Variants in PARD3 observed in about 807,000 individuals in gnomAD.
The protein encoded by PARD3 is par-3 family cell polarity regulator.
Under a neutral mutation model 155.4 loss-of-function variants are expected in PARD3, and 75 were observed. The observed-to-expected ratio is 0.48, with a 90% CI of 0.40 to 0.58. The LOEUF is 0.58. Among genes scored for constraint, PARD3 ranks in the 20% least tolerant of loss-of-function variants. PARD3 has a pLI of 0.00. For synonymous variants in PARD3, 576 were observed against 610.5 expected (o/e 0.94, Z 0.83); for missense variants, 1,642 against 1,721.7 (o/e 0.95, Z 0.82).
chr10:34,616,375 C>CTGCATATA lies in PARD3; in HGVS notation c.222+79935_222+79942dup, dbSNP rs1237640679. Reference sequence around the variant, plus strand: ...AATCATACATCCAGCAACCCCACTGCTGCATATACACCCAATGGAAAAGAA... The same window carrying CTGCATATA: ...AATCATACATCCAGCAACCCCACTGCTGCATATATGCATATACACCCAATGGAAAAGAA... On this transcript the variant is annotated intron_variant, in intron 2 of 24. Transcript: ENST00000374788. Among the ~76,000 whole-genome samples the CTGCATATA allele has an allele frequency of 5.9e-5, 9 of 152,180 alleles. No individual in the cohort carries two copies. In the South Asian group the frequency reaches 1.9e-3, roughly 32 times the overall value.
chr10:34,124,607 T>C (rs1588852377), intron 23 of PARD3, among the ~76,000 whole-genome samples: 1 of 152,326 alleles, frequency 6.6e-6, no homozygotes, highest in East Asian at 1.9e-4. Context: ...TATGTAACTA[T>C]TGACTGAACT....
At chr10:34,342,240 C>A (rs1035996301) in intron 15 of PARD3, among the ~76,000 whole-genome samples, 38 of 152,226 alleles carry the variant, frequency 2.5e-4, no homozygotes, top group Admixed American at 2.3e-3. Flanking sequence ...GCAGGTACTG[C>A]AAGACACAGT....
intron 24 of PARD3, 120 bp from the exon 25 acceptor site, chr10:34,111,682 A>T: frequency 2.5e-6 from 2 of 815,552 alleles, no homozygotes; most frequent in South Asian, 1.9e-5. Flanking sequence ...CTGTTCTCTC[A>T]TCACATGCCA....
intron 12 of PARD3, among the ~76,000 whole-genome samples, chr10:34,367,415 C>T (rs1170015554): frequency 6.6e-6 from 1 of 152,164 alleles, no homozygotes; most frequent in Non-Finnish European, 1.5e-5. Flanking sequence ...AAGAAAATGT[C>T]CTCCTTCTGG....
At chr10:34,359,062 G>A in intron 14 of PARD3, 85 bp downstream of exon 14, 1 of 950,786 alleles carries the variant, frequency 1.1e-6, no homozygotes, top group Non-Finnish European at 1.6e-6. Context: ...TAAGGTCCTG[G>A]AACCTAATAC....
chr10:34,316,695 T>A (rs1958027193), intron 20 of PARD3, among the ~76,000 whole-genome samples: 1 of 152,208 alleles, frequency 6.6e-6, no homozygotes, highest in Non-Finnish European at 1.5e-5. Flanking sequence ...TATGCATAAC[T>A]AAGATACAGA....
Position 34,343,768 on chromosome 10 carries a change from T to A in PARD3, c.2219-1952A>T. ...TGACTTGAGAAGGCTTCAATTTATTTCTGATAGGTAAACTTTCCTCTATCT... is the reference window on the plus strand; with the variant it reads ...TGACTTGAGAAGGCTTCAATTTATTACTGATAGGTAAACTTTCCTCTATCT... On this transcript the variant is annotated intron_variant, in intron 15 of 24. Transcript: ENST00000374788. 4.1e-6 allele frequency: 4 copies of A among 984,942 alleles called. No homozygotes were observed. In the South Asian group the frequency reaches 1.4e-4, roughly 35 times the overall value. The allele number at this position is 984,942 out of a possible 1,614,324, so 61.0% of individuals were successfully genotyped here.
intron 2 of PARD3, among the ~76,000 whole-genome samples, chr10:34,590,904 T>C (rs2088617473): frequency 6.6e-6 from 1 of 152,150 alleles, no homozygotes; most frequent in African/African-American, 2.4e-5. Context: ...GGAAAAAATC[T>C]CTCTCTGTCC....
chr10:34,139,252 C>T (rs1385609927), intron 22 of PARD3, among the ~76,000 whole-genome samples: 2 of 152,214 alleles, frequency 1.3e-5, no homozygotes, highest in African/African-American at 2.4e-5. Flanking sequence ...TCAACCCTGA[C>T]TTTTCCAAGC....
chr10:34,288,751 A>G (rs559547504), intron 20 of PARD3, among the ~76,000 whole-genome samples: 11 of 152,360 alleles, frequency 7.2e-5, no homozygotes, highest in Middle Eastern at 3.4e-3. Context: ...GAAACAGCAT[A>G]GCTGAAGAAA....
chr10:34,529,589 T>C (rs549942522), intron 2 of PARD3, among the ~76,000 whole-genome samples: 6 of 152,310 alleles, frequency 3.9e-5, no homozygotes, highest in African/African-American at 1.2e-4. Context: ...AAGCCTACTG[T>C]TGACTGGAAG....
chr10:34,235,589 CTG>C (rs1397222880), intron 22 of PARD3, among the ~76,000 whole-genome samples: 3 of 152,210 alleles, frequency 2.0e-5, no homozygotes, highest in African/African-American at 4.8e-5. Flanking sequence ...TTAACTACCA[CTG>C]ACGTTTAGTT....
intron 18 of PARD3, among the ~76,000 whole-genome samples, chr10:34,331,898 A>C (rs7900322): frequency 0.066 from 10,013 of 152,246 alleles, 612 homozygotes; most frequent in African/African-American, 0.16. Context: ...TGTCACCAAA[A>C]CAGTTAGGGC....
intron 10 of PARD3, among the ~76,000 whole-genome samples, chr10:34,377,270 TGTTACCTC>T (rs1841345467): frequency 6.6e-6 from 1 of 152,218 alleles, no homozygotes; most frequent in Admixed American, 6.5e-5. Flanking sequence ...TATGACAAAA[TGTTACCTC>T]ATAAACCAAA....
At chr10:34,298,639 C>T (rs974584144) in intron 20 of PARD3, among the ~76,000 whole-genome samples, 9 of 152,112 alleles carry the variant, frequency 5.9e-5, no homozygotes, top group African/African-American at 1.4e-4. Flanking sequence ...TTTCGCAAGA[C>T]GAAAGGCGTT....
At chr10:34,466,605 C>A (rs1025670529) in intron 4 of PARD3, among the ~76,000 whole-genome samples, 2 of 152,090 alleles carry the variant, frequency 1.3e-5, no homozygotes, top group Admixed American at 1.3e-4. Flanking sequence ...GCTATGAATG[C>A]ACAACTAATT....
At chr10:34,413,260 A>C (rs759576144) in intron 5 of PARD3, among the ~76,000 whole-genome samples, 1 of 152,134 alleles carries the variant, frequency 6.6e-6, no homozygotes, top group African/African-American at 2.4e-5. Flanking sequence ...TTTAAAAACC[A>C]TAACACCTAT....
chr10:34,401,975 TGAAAG>T (rs908143445), intron 5 of PARD3, 58 bp from the exon 6 acceptor site: 19 of 1,341,176 alleles, frequency 1.4e-5, no homozygotes, highest in Non-Finnish European at 2.0e-5. Context: ...TGCTACAATG[TGAAAG>T]GAAACTGGAT....
At chr10:34,476,384 G>C (rs1238677862) in intron 3 of PARD3, among the ~76,000 whole-genome samples, 2 of 152,100 alleles carry the variant, frequency 1.3e-5, no homozygotes, top group African/African-American at 4.8e-5. Flanking sequence ...TTGCCCCTCA[G>C]GTCCTGGGCA....
Sources: gnomAD v4.1 joint callset for allele counts (sites outside exome capture counted in the v4.1 genomes callset) on GRCh38, gnomAD v4.1.1 for gene constraint, MANE v1.5 for transcripts, NCBI Gene and HGNC (gene_info 2026-07-23, HGNC 2026-07-21) for gene names.